The following HIPK2 variants were observed in gnomAD, a reference collection of about 807,000 sequenced individuals.
HIPK2 encodes homeodomain interacting protein kinase 2, also known as homeodomain-interacting protein kinase 2.
A neutral mutation model predicts 113.7 loss-of-function variants in HIPK2; 27 were observed. The observed-to-expected ratio is 0.24, with a 90% CI of 0.17 to 0.33. The LOEUF (loss-of-function observed/expected upper bound fraction) is 0.33. Among genes scored for constraint, HIPK2 ranks in the 10% least tolerant of loss-of-function variants. The pLI is 1.00. For synonymous variants in HIPK2, 631 were observed against 642.2 expected, an observed-to-expected ratio of 0.98 and a Z score of 0.26; for missense variants, 1,257 against 1,588.0, an observed-to-expected ratio of 0.79 and a Z score of 3.54.
chr7:139,760,064 G>A (rs566151982), intron 1 of HIPK2, among the ~76,000 whole-genome samples: 69 of 151,010 alleles, frequency 4.6e-4, no homozygotes, highest in South Asian at 1.0e-3. Flanking sequence ...GTGCAGTGGC[G>A]TGATCTTGAC....
chr7:139,631,644 G>A lies in HIPK2; in HGVS notation c.1185C>T (p.Phe395=), dbSNP rs1800622075. The A allele has an allele frequency of 6.2e-7, 1 of 1,613,968 alleles. No individual in the cohort carries two copies. Among genetic ancestry groups the A allele is most frequent in the South Asian group, 1.1e-5 (1 of 91,074 alleles). Reference sequence around the variant, plus strand: ...CTCCTGGATATAACGGCCAACCCAGGAACAATTCTGCAATAACACAGCCCA... The same window carrying A: ...CTCCTGGATATAACGGCCAACCCAGAAACAATTCTGCAATAACACAGCCCA... The part of the protein sequence containing the change: ...WSLGCVIAEL[F]LGWPLYPGAS... The change falls in exon 3 of 15, where the codon TTC becomes TTT. Residue 395 remains phenylalanine (F), a synonymous_variant. Coordinates refer to ENST00000406875, the MANE Select transcript of HIPK2 (RefSeq NM_022740.5). The surrounding 1 kb of genome is among the most constrained non-coding windows in gnomAD (Gnocchi z 4.9).
intron 10 of HIPK2, among the ~76,000 whole-genome samples, chr7:139,602,099 T>A (rs1298310972): frequency 6.6e-6 from 1 of 151,936 alleles, no homozygotes; most frequent in Non-Finnish European, 1.5e-5. Context: ...ATTACAGGCG[T>A]GCACTGCCAC....
In HIPK2 at chr7:139,633,482, A is replaced by C. The variant is rs539943705; in HGVS notation, c.1104-1757T>G. 1.8e-4 allele frequency among the ~76,000 whole-genome samples: 28 copies of C among 152,196 alleles called. No homozygotes were observed. The East Asian group carries it at 5.2e-3, about 28-fold the overall frequency. ...AAAGAAGAAAACAAACAAAACCCAA[A>C]AATGTCTTATTACCAAGTTCTGATT... On this transcript the variant is annotated intron_variant, in intron 2 of 14. Coordinates refer to ENST00000406875, the MANE Select transcript of HIPK2 (RefSeq NM_022740.5).
chr7:139,616,364 T>G (rs1800042943), intron 7 of HIPK2, among the ~76,000 whole-genome samples: 1 of 152,216 alleles, frequency 6.6e-6, no homozygotes, highest in Admixed American at 6.5e-5. Context: ...TCAGCACCCC[T>G]GCTCCAAAAT....
At chr7:139,582,912 C>T (rs2116538996) in intron 13 of HIPK2, among the ~76,000 whole-genome samples, 1 of 152,370 alleles carries the variant, frequency 6.6e-6, no homozygotes, top group East Asian at 1.9e-4. Flanking sequence ...CCCACTGGGT[C>T]TCACATGTGG....
chr7:139,651,893 C>A (rs960378834), intron 2 of HIPK2, among the ~76,000 whole-genome samples: 3 of 152,116 alleles, frequency 2.0e-5, no homozygotes, highest in African/African-American at 7.2e-5. Context: ...TATATAAGAC[C>A]TCCGTGGAGA....
chr7:139,638,899 C>T (rs989560698), intron 2 of HIPK2, among the ~76,000 whole-genome samples: 9 of 152,128 alleles, frequency 5.9e-5, no homozygotes, highest in Non-Finnish European at 8.8e-5. Flanking sequence ...CCTCGTGATC[C>T]GCCCGCCTCG....
At position 139,561,949 on chromosome 7, in the gene HIPK2, A is replaced by G. The variant is rs1299191506; in HGVS notation, c.*10978T>C. The G allele has an allele frequency of 6.6e-6, 1 of 152,258 alleles. No homozygotes were observed. The highest frequency in any genetic ancestry group is 6.5e-5 in the Admixed American group (1 of 15,288). The allele number at this position is 152,258 out of a possible 1,614,324, so 9.4% of individuals were successfully genotyped here. ...AGCACACGACGTCATGATGAAAAAC[A>G]CAAGCATTTTAGTAGCAAGGACTTG... On this transcript the variant is annotated 3_prime_UTR_variant, in exon 15 of 15. Transcript: ENST00000406875.
intron 2 of HIPK2, among the ~76,000 whole-genome samples, chr7:139,672,144 C>T (rs1266664537): frequency 1.3e-5 from 2 of 152,110 alleles, no homozygotes; most frequent in Non-Finnish European, 2.9e-5. Flanking sequence ...GATTTAGATG[C>T]TAAAGATAAT....
At chr7:139,724,069 C>T (rs1409889015) in intron 1 of HIPK2, among the ~76,000 whole-genome samples, 3 of 148,686 alleles carry the variant, frequency 2.0e-5, no homozygotes, top group Non-Finnish European at 4.4e-5. Flanking sequence ...TAATGAAATG[C>T]CATATCTGTC....
chr7:139,733,168 T>C (rs562278946), intron 1 of HIPK2, among the ~76,000 whole-genome samples: 1 of 152,294 alleles, frequency 6.6e-6, no homozygotes, highest in East Asian at 1.9e-4. Flanking sequence ...ACTGAGCAGA[T>C]GCTAGCATCA....
At chr7:139,740,872 C>T (rs1352436780) in intron 1 of HIPK2, among the ~76,000 whole-genome samples, 2 of 152,178 alleles carry the variant, frequency 1.3e-5, no homozygotes, top group African/African-American at 2.4e-5. Flanking sequence ...TCCGGCCAGG[C>T]GCGGTGGCTC....
intron 6 of HIPK2, among the ~76,000 whole-genome samples, chr7:139,623,352 A>T (rs776024520): frequency 1.3e-5 from 2 of 151,948 alleles, no homozygotes; most frequent in Non-Finnish European, 2.9e-5. Flanking sequence ...CTCTATTAAA[A>T]ATACAAAAAT....
At chr7:139,604,291 A>G (rs1799541430) in intron 9 of HIPK2, 68 bp from the exon 10 acceptor site, 1 of 1,545,004 alleles carries the variant, frequency 6.5e-7, no homozygotes, top group Non-Finnish European at 8.8e-7. Context: ...ATGAACCCAC[A>G]CTTATTCTGT....
Position 139,572,904 on chromosome 7 carries a change from C to A in HIPK2, c.*23G>T. The A allele has an allele frequency of 7.4e-6, 3 of 403,184 alleles. No individual in the cohort carries two copies. Among genetic ancestry groups the A allele is most frequent in the East Asian group, 6.2e-5 (1 of 16,178 alleles). 25.0% of individuals were successfully genotyped at this position (403,184 alleles called of 1,614,324 possible). Reference sequence around the variant, plus strand: ...CCTCGGGCCATTCTCTCCCTCCCTCCCTCCCTCCCTCCCCTCCAGTGTTTA... The same window carrying A: ...CCTCGGGCCATTCTCTCCCTCCCTCACTCCCTCCCTCCCCTCCAGTGTTTA... On this transcript the variant is annotated 3_prime_UTR_variant, in exon 15 of 15. Transcript: ENST00000406875.
intron 2 of HIPK2, among the ~76,000 whole-genome samples, chr7:139,686,604 T>TG (rs775517600): frequency 2.0e-5 from 3 of 152,214 alleles, no homozygotes; most frequent in African/African-American, 4.8e-5. Flanking sequence ...TACTTCTCCT[T>TG]GCTGCTGCCA....
intron 2 of HIPK2, among the ~76,000 whole-genome samples, chr7:139,634,487 G>A (rs1800736984): frequency 1.3e-5 from 2 of 151,956 alleles, no homozygotes; most frequent in Admixed American, 6.6e-5. Context: ...ATGTGACCAC[G>A]AGCCCACCAC....
chr7:139,716,814 G>C lies in HIPK2; in HGVS notation c.221C>G (p.Pro74Arg), dbSNP rs1795258782. The change falls in exon 2 of 15, where the codon CCA (proline) becomes CGA (arginine). Residue 74 changes from proline (P) to arginine (R), a missense_variant. This residue lies in a region of HIPK2 where 209 missense variants were observed against 237.8 expected (regional missense o/e 0.88). Coordinates refer to ENST00000406875, the MANE Select transcript of HIPK2 (RefSeq NM_022740.5). This position sits in a 1 kb window ranked among gnomAD's most constrained non-coding sequence, Gnocchi z 9.3. Reference protein sequence around the residue: ...TTTVSTSLPVPNPSLPYEQTI... With the variant: ...TTTVSTSLPVRNPSLPYEQTI... Reference sequence around the variant, plus strand: ...CTGCTCGTAAGGTAGGCTTGGGTTTGGGACCGGCAAGGAGGTGCTGACGGT... The same window carrying C: ...CTGCTCGTAAGGTAGGCTTGGGTTTCGGACCGGCAAGGAGGTGCTGACGGT... 2 of 1,613,798 alleles carry C rather than the reference G, an allele frequency of 1.2e-6. No homozygotes were observed. The highest frequency in any genetic ancestry group is 2.7e-5 in the African/African-American group (2 of 74,896).
At chr7:139,592,248 G>A (rs946710349) in intron 12 of HIPK2, among the ~76,000 whole-genome samples, 15 of 152,126 alleles carry the variant, frequency 9.9e-5, no homozygotes, top group Admixed American at 3.3e-4. Flanking sequence ...GGTAACGTCG[G>A]CTGAAACAGT....
Sources: allele counts gnomAD v4.1 joint callset (sites outside exome capture counted in the v4.1 genomes callset), GRCh38; gene constraint gnomAD v4.1.1; regional missense constraint gnomAD v4.1.1; non-coding constraint Gnocchi (gnomAD v3.1); transcripts MANE v1.5; gene names NCBI Gene and HGNC (gene_info 2026-07-23, HGNC 2026-07-21).